CACNA2D4: variants seen among roughly 807,000 people sequenced by gnomAD.
The protein encoded by CACNA2D4 is voltage-dependent calcium channel subunit alpha-2/delta-4.
Under a neutral mutation model 163.8 loss-of-function variants are expected in CACNA2D4, and 157 were observed. The ratio of observed to expected loss-of-function variants is 0.96; its 90% CI spans 0.84 to 1.09. CACNA2D4 has a LOEUF of 1.09. Ranked by LOEUF, CACNA2D4 falls within the 50% of genes least tolerant of loss-of-function variation. The probability of loss-of-function intolerance (pLI) is 0.00; values close to 1 mark genes in which losing one functional copy is unlikely to be tolerated. For missense variants in CACNA2D4, 1,410 were observed against 1,479.9 expected, an observed-to-expected ratio of 0.95 and a Z score of 0.78; for synonymous variants, 598 against 586.9, an observed-to-expected ratio of 1.02 and a Z score of -0.27.
Position 1,799,897 on chromosome 12 carries a change from C to T in CACNA2D4, c.2974+103G>A. 1 of 1,337,580 alleles carries T rather than the reference C, an allele frequency of 7.5e-7. No homozygotes were observed. 82.9% of individuals were successfully genotyped at this position (1,337,580 alleles called of 1,614,324 possible). A position where few individuals can be genotyped will look rare whatever the true frequency, so the allele number is the denominator to read the frequency against. On this transcript the variant is annotated intron_variant, in intron 33 of 37. Transcript: ENST00000382722. The surrounding 1 kb of genome is among the most constrained non-coding windows in gnomAD (Gnocchi z 4.7). ...GATGTGAACAACGATGCTTCAGGGT[C>T]ACCTATCCCCACTGTCACCCACCCC...
At chr12:1,846,889 G>A (rs904825802) in intron 23 of CACNA2D4, among the ~76,000 whole-genome samples, 200 bp from the exon 24 acceptor site, 1 of 152,232 alleles carries the variant, frequency 6.6e-6, no homozygotes, top group Non-Finnish European at 1.5e-5. Context: ...TTCAGGCCCG[G>A]CTTCCGGGCA....
rs1406604307 is a variant in CACNA2D4, at chr12:1,834,936, G to A, written c.2551+5803C>T. 2 of 838,740 alleles carry A rather than the reference G, an allele frequency of 2.4e-6. No homozygotes were observed. Among genetic ancestry groups the A allele is most frequent in the Admixed American group, 3.1e-5 (1 of 32,484 alleles). The allele number at this position is 838,740 out of a possible 1,614,324, so 52.0% of individuals were successfully genotyped here. The stretch of plus-strand genomic sequence containing the variant: ...GGGGCTCCTGCTGATGCTCCTGTCT[G>A]GGCCAGTAAATCTTTGGAACATGTG... On this transcript the variant is annotated intron_variant, in intron 26 of 37. Coordinates refer to ENST00000382722, the MANE Select transcript of CACNA2D4 (RefSeq NM_172364.5). The surrounding 1 kb of genome is among the most constrained non-coding windows in gnomAD (Gnocchi z 7.6).
intron 6 of CACNA2D4, among the ~76,000 whole-genome samples, chr12:1,893,754 T>TA (rs1866340735): frequency 6.6e-6 from 1 of 152,078 alleles, no homozygotes; most frequent in Admixed American, 6.5e-5. Context: ...TGGGATACAG[T>TA]AAAAGCAGTA....
chr12:1,826,842 G>A lies in CACNA2D4; in HGVS notation c.2551+13897C>T, dbSNP rs200396987. On this transcript the variant is annotated intron_variant, in intron 26 of 37. Transcript: ENST00000382722. ...GGTTTGCAGCAGGACCCTAATGCCC[G>A]AGGGGAAACCTGCACAGACAGGCCA... 2.2e-4 allele frequency among the ~76,000 whole-genome samples: 34 copies of A among 152,338 alleles called. No homozygotes were observed. In the East Asian group the frequency reaches 2.7e-3, roughly 12 times the overall value.
At chr12:1,868,769 T>C (rs1421636919) in intron 18 of CACNA2D4, among the ~76,000 whole-genome samples, 1 of 152,116 alleles carries the variant, frequency 6.6e-6, no homozygotes, top group East Asian at 1.9e-4. Context: ...TCCACATCCC[T>C]GGATTCGATC....
intron 6 of CACNA2D4, among the ~76,000 whole-genome samples, chr12:1,899,147 C>A (rs1294303588): frequency 1.3e-5 from 2 of 152,014 alleles, no homozygotes; most frequent in African/African-American, 2.4e-5. Flanking sequence ...CACTACCAAT[C>A]AAAACCTGTG....
chr12:1,903,198 A>G (rs1315387747), intron 6 of CACNA2D4, among the ~76,000 whole-genome samples: 3 of 152,084 alleles, frequency 2.0e-5, no homozygotes, highest in African/African-American at 7.2e-5. Context: ...ATCGCTCACC[A>G]TACACCAAAA....
In CACNA2D4 at chr12:1,834,609, T is replaced by G. The variant is rs961125080; in HGVS notation, c.2551+6130A>C. 1 of 1,599,930 alleles carries G rather than the reference T, an allele frequency of 6.3e-7. No individual in the cohort carries two copies. Among genetic ancestry groups the G allele is most frequent in the Non-Finnish European group, 8.5e-7 (1 of 1,179,902 alleles). ...GTGGTGGCCGCTGCCTATGGCTGCA[T>G]CTACGCCTCCCTCATGGCCAAGTAC... On this transcript the variant is annotated intron_variant, in intron 26 of 37. Coordinates refer to ENST00000382722, the MANE Select transcript of CACNA2D4 (RefSeq NM_172364.5). The surrounding 1 kb of genome is among the most constrained non-coding windows in gnomAD (Gnocchi z 7.6).
In CACNA2D4 at chr12:1,909,352, C is replaced by T. The variant is rs189279173; in HGVS notation, c.486+554G>A. Among the ~76,000 whole-genome samples the T allele has an allele frequency of 2.6e-3, 401 of 152,264 alleles. 2 individuals carry two copies. The highest frequency in any genetic ancestry group is 9.0e-3 in the African/African-American group (376 of 41,548). Reference sequence around the variant, plus strand: ...GACTACAAGCGCCTGCCACTACGCCCGGCTAAATTTTTTGCATTTTTTTAG... The same window carrying T: ...GACTACAAGCGCCTGCCACTACGCCTGGCTAAATTTTTTGCATTTTTTTAG... On this transcript the variant is annotated intron_variant, in intron 4 of 37. Coordinates refer to ENST00000382722, the MANE Select transcript of CACNA2D4 (RefSeq NM_172364.5).
rs946674680 is a variant in CACNA2D4 at position 1,799,912 on chromosome 12, T to A, written c.2974+88A>T. ...GCTTCAGGGTCACCTATCCCCACTG[T>A]CACCCACCCCACAGGGAATGGTCTC... On this transcript the variant is annotated intron_variant, in intron 33 of 37. Coordinates refer to ENST00000382722, the MANE Select transcript of CACNA2D4 (RefSeq NM_172364.5). This position sits in a 1 kb window ranked among gnomAD's most constrained non-coding sequence, Gnocchi z 4.7. The A allele has an allele frequency of 1.7e-5, 24 of 1,437,722 alleles. No individual in the cohort carries two copies. The Admixed American group carries it at 3.8e-4, about 22-fold the overall frequency. 89.1% of individuals were successfully genotyped at this position (1,437,722 alleles called of 1,614,324 possible).
rs934321534 is a variant in CACNA2D4, at chr12:1,844,889, A to C, written c.2343-360T>G. Among the ~76,000 whole-genome samples the C allele has an allele frequency of 2.0e-5, 3 of 152,176 alleles. No individual in the cohort carries two copies. The highest frequency in any genetic ancestry group is 4.4e-5 in the Non-Finnish European group (3 of 68,038). ...AAGCTGTAGTCAGCTCTATCACTGC[A>C]CTAATAGGAGGGCATCAATCCCCCC... On this transcript the variant is annotated intron_variant, in intron 24 of 37. Coordinates refer to ENST00000382722, the MANE Select transcript of CACNA2D4 (RefSeq NM_172364.5). The surrounding 1 kb of genome is among the most constrained non-coding windows in gnomAD (Gnocchi z 4.2).
intron 29 of CACNA2D4, among the ~76,000 whole-genome samples, chr12:1,805,597 G>A (rs1441413078): frequency 6.6e-6 from 1 of 152,138 alleles, no homozygotes; most frequent in Non-Finnish European, 1.5e-5. Context: ...GGAGTGTTTT[G>A]GACACTCAGG....
In CACNA2D4 at chr12:1,835,422, T is replaced by TAC. The variant is rs137889817; in HGVS notation, c.2551+5315_2551+5316dup. Reference sequence around the variant, plus strand: ...CGGTCACATGGATTGAAAGAATTAATACACACACACACACACACACACTCA... The same window carrying TAC: ...CGGTCACATGGATTGAAAGAATTAATACACACACACACACACACACACACTCA... On this transcript the variant is annotated intron_variant, in intron 26 of 37. Transcript: ENST00000382722. 947 of 150,614 alleles carry TAC rather than the reference T, an allele frequency of 6.3e-3. 5 individuals carry two copies. The highest frequency in any genetic ancestry group is 0.011 in the African/African-American group (461 of 40,896). The allele number at this position is 150,614 out of a possible 1,614,324, so 9.3% of individuals were successfully genotyped here. A position where few individuals can be genotyped will look rare whatever the true frequency, so the allele number is the denominator to read the frequency against.
rs1317663600 is a variant in CACNA2D4 at position 1,802,888 on chromosome 12, T to C, written c.2722-1244A>G. 1.3e-5 allele frequency among the ~76,000 whole-genome samples: 2 copies of C among 152,204 alleles called. No individual in the cohort carries two copies. Among genetic ancestry groups the C allele is most frequent in the Non-Finnish European group, 2.9e-5 (2 of 68,038 alleles). Reference sequence around the variant, plus strand: ...CCTAGTCTCACTCTGCCTGATAAGATATTTGGTTGAAAACTGTATGAGAAC... The same window carrying C: ...CCTAGTCTCACTCTGCCTGATAAGACATTTGGTTGAAAACTGTATGAGAAC... On this transcript the variant is annotated intron_variant, in intron 29 of 37. Transcript: ENST00000382722. This position sits in a 1 kb window ranked among gnomAD's most constrained non-coding sequence, Gnocchi z 4.7.
At chr12:1,898,444 T>C (rs938825746) in intron 6 of CACNA2D4, among the ~76,000 whole-genome samples, 28 of 152,222 alleles carry the variant, frequency 1.8e-4, no homozygotes, top group Middle Eastern at 3.4e-3. Context: ...TTCTCAAAGA[T>C]GAGCAAATGG....
intron 22 of CACNA2D4, among the ~76,000 whole-genome samples, chr12:1,854,614 C>T (rs1032530227): frequency 6.6e-6 from 1 of 152,264 alleles, no homozygotes; most frequent in East Asian, 1.9e-4. Flanking sequence ...CTATGTTGGC[C>T]AGGCTGATCT....
intron 6 of CACNA2D4, among the ~76,000 whole-genome samples, chr12:1,900,625 TAAAC>T (rs1866514571): frequency 6.6e-6 from 1 of 152,160 alleles, no homozygotes; most frequent in African/African-American, 2.4e-5. Context: ...TAGATAATGA[TAAAC>T]AGGTCAATTC....
At position 1,884,383 on chromosome 12, in the gene CACNA2D4, T is replaced by C. The variant is rs367862935; in HGVS notation, c.1273-62A>G. On this transcript the variant is annotated intron_variant, in intron 11 of 37. Transcript: ENST00000382722. ...TTCCCGGCCATAAGTAATGTTAACA[T>C]TGTTTATATGAGTCTTAGATGTTGG... The C allele has an allele frequency of 2.3e-6, 3 of 1,323,870 alleles. No individual in the cohort carries two copies. The African/African-American group carries it at 4.3e-5, about 19-fold the overall frequency. The allele number at this position is 1,323,870 out of a possible 1,614,324, so 82.0% of individuals were successfully genotyped here.
At position 1,792,944 on chromosome 12, in the gene CACNA2D4, G is replaced by A. The variant is rs1863016391; in HGVS notation, c.*711C>T. 1 of 152,208 alleles carries A rather than the reference G, an allele frequency of 6.6e-6. No individual in the cohort carries two copies. The highest frequency in any genetic ancestry group is 1.5e-5 in the Non-Finnish European group (1 of 68,040). 9.4% of individuals were successfully genotyped at this position (152,208 alleles called of 1,614,324 possible). On this transcript the variant is annotated 3_prime_UTR_variant, in exon 38 of 38. Coordinates refer to ENST00000382722, the MANE Select transcript of CACNA2D4 (RefSeq NM_172364.5). ...TCATAGATGCAAACTTTCCTTTAGG[G>A]CTTTGTAAAGAAGTTTTGGGAAGTT...
Sources: allele counts gnomAD v4.1 joint callset (sites outside exome capture counted in the v4.1 genomes callset), GRCh38; gene constraint gnomAD v4.1.1; non-coding constraint Gnocchi (gnomAD v3.1); transcripts MANE v1.5; gene names NCBI Gene and HGNC (gene_info 2026-07-23, HGNC 2026-07-21).